Variants in ESR2 observed in about 807,000 individuals in gnomAD.
ESR2 encodes estrogen receptor 2, also known as estrogen receptor beta.
Under a neutral mutation model 49.6 loss-of-function variants are expected in ESR2, and 36 were observed. That is an observed-to-expected ratio of 0.73 (90% CI 0.56 to 0.96). The LOEUF (loss-of-function observed/expected upper bound fraction) is 0.96. Ranked by LOEUF, ESR2 falls within the 40% of genes least tolerant of loss-of-function variation. The probability of loss-of-function intolerance (pLI) is 0.00; values close to 1 mark genes in which losing one functional copy is unlikely to be tolerated. For missense variants in ESR2, 714 were observed against 693.0 expected, an observed-to-expected ratio of 1.03 and a Z score of -0.34; for synonymous variants, 320 against 266.1, an observed-to-expected ratio of 1.20 and a Z score of -1.97.
chr14:64,302,151 A>T (rs1383448774), intron 1 of ESR2, among the ~76,000 whole-genome samples: 8 of 135,108 alleles, frequency 5.9e-5, no homozygotes, highest in Non-Finnish European at 9.7e-5. Context: ...TCACTTTTTT[A>T]TTTTTTATTT....
At chr14:64,281,648 C>T (rs1423665977) in intron 2 of ESR2, among the ~76,000 whole-genome samples, 1 of 152,152 alleles carries the variant, frequency 6.6e-6, no homozygotes, top group Non-Finnish European at 1.5e-5. Context: ...TCCCCCTCTC[C>T]TTTCTCATTA....
At chr14:64,311,993 T>G (rs1240010429) in intron 1 of ESR2, among the ~76,000 whole-genome samples, 1 of 152,204 alleles carries the variant, frequency 6.6e-6, no homozygotes, top group Non-Finnish European at 1.5e-5. Flanking sequence ...ATATGTTTGA[T>G]GGTTAAAGCA....
intron 1 of ESR2, among the ~76,000 whole-genome samples, chr14:64,306,591 T>C (rs11625778): frequency 0.043 from 6,601 of 152,340 alleles, 516 homozygotes; most frequent in East Asian, 0.37. Context: ...TTATATTGAT[T>C]GGGCTTTGAA....
At chr14:64,267,972 T>C (rs1176453394) in intron 4 of ESR2, among the ~76,000 whole-genome samples, 1 of 152,014 alleles carries the variant, frequency 6.6e-6, no homozygotes, top group African/African-American at 2.4e-5. Context: ...AAATTACAAT[T>C]AACCACAGGT....
At chr14:64,284,234 A>AC (rs1449699463) in intron 1 of ESR2, among the ~76,000 whole-genome samples, 3 of 151,510 alleles carry the variant, frequency 2.0e-5, no homozygotes, top group African/African-American at 7.3e-5. Context: ...TGGCCTACGT[A>AC]TCAGTTTTGA....
chr14:64,261,404 C>G (rs1012513941), intron 4 of ESR2, among the ~76,000 whole-genome samples: 1 of 149,586 alleles, frequency 6.7e-6, no homozygotes, highest in Non-Finnish European at 1.5e-5. Context: ...TATTTTTCCA[C>G]GTTTTATACA....
At chr14:64,299,950 T>C (rs2077003703) in intron 1 of ESR2, among the ~76,000 whole-genome samples, 1 of 152,206 alleles carries the variant, frequency 6.6e-6, no homozygotes, top group African/African-American at 2.4e-5. Context: ...ATATTATTTT[T>C]CTACTGTCCA....
intron 4 of ESR2, among the ~76,000 whole-genome samples, chr14:64,265,806 C>T (rs537033420): frequency 6.6e-6 from 1 of 152,126 alleles, no homozygotes; most frequent in Non-Finnish European, 1.5e-5. Flanking sequence ...AGGGTGATAA[C>T]AGACTACATG....
chr14:64,315,604 A>G (rs1379368363), intron 1 of ESR2, among the ~76,000 whole-genome samples: 1 of 151,244 alleles, frequency 6.6e-6, no homozygotes, highest in Non-Finnish European at 1.5e-5. Context: ...CCTCCTGAGT[A>G]GCTGGGACTA....
At chr14:64,227,873 T>G (rs934287565), downstream of ESR2, 38 of 1,596,958 alleles carry the variant, frequency 2.4e-5, no homozygotes, top group Non-Finnish European at 3.1e-5. Flanking sequence ...AGGGACATTT[T>G]CACATGACTC....
rs1181302937 is a variant in ESR2, at chr14:64,232,042, T to G, written c.*1095A>C. 6.6e-6 allele frequency: 1 copy of G among 152,336 alleles called. No individual in the cohort carries two copies. The highest frequency in any genetic ancestry group is 1.9e-4 in the East Asian group (1 of 5,188). The allele number at this position is 152,336 out of a possible 1,614,324, so 9.4% of individuals were successfully genotyped here. ...AAATAATTATCCCTAAATATTTCTC[T>G]TTAAGGAGAGTTCACAAACTGGGTC... is the stretch of plus-strand genomic sequence containing the variant. On this transcript the variant is annotated 3_prime_UTR_variant, in exon 9 of 9. Transcript: ENST00000341099.
At chr14:64,268,731 G>A in intron 4 of ESR2, 64 bp downstream of exon 4, 1 of 918,064 alleles carries the variant, frequency 1.1e-6, no homozygotes, top group Admixed American at 2.0e-5. Flanking sequence ...CCTGTCCCCA[G>A]TTCCTCAGAG....
chr14:64,302,169 T>C (rs966082184), intron 1 of ESR2, among the ~76,000 whole-genome samples: 4 of 140,438 alleles, frequency 2.8e-5, no homozygotes, highest in Middle Eastern at 3.5e-3. Context: ...TTTTTATTTA[T>C]TTATTTATTT....
At chr14:64,312,537 T>C (rs1469201295) in intron 1 of ESR2, among the ~76,000 whole-genome samples, 3 of 152,100 alleles carry the variant, frequency 2.0e-5, no homozygotes, top group African/African-American at 7.2e-5. Context: ...AGGTTTATTT[T>C]AGAAAAAACA....
At chr14:64,247,348 C>CAAACA (rs1555572911) in intron 7 of ESR2, among the ~76,000 whole-genome samples, 1 of 144,894 alleles carries the variant, frequency 6.9e-6, no homozygotes, top group Non-Finnish European at 1.5e-5. Context: ...AACAAACAAA[C>CAAACA]AAAAAAACTA....
chr14:64,244,301 G>T (rs1049563227), intron 7 of ESR2, among the ~76,000 whole-genome samples: 1 of 152,020 alleles, frequency 6.6e-6, no homozygotes, highest in Non-Finnish European at 1.5e-5. Flanking sequence ...TCTGGAAGCT[G>T]AGGCAGGAGA....
At chr14:64,309,979 G>T (rs1341649776) in intron 1 of ESR2, among the ~76,000 whole-genome samples, 6 of 151,856 alleles carry the variant, frequency 4.0e-5, no homozygotes, top group Admixed American at 1.3e-4. Context: ...CCAGCTACTC[G>T]GGAGGCTGAG....
chr14:64,314,895 A>AAAAAAAG (rs2077234176), intron 1 of ESR2, among the ~76,000 whole-genome samples: 1 of 145,864 alleles, frequency 6.9e-6, no homozygotes, highest in Admixed American at 6.8e-5. Flanking sequence ...AAAAAAAAAA[A>AAAAAAAG]AAAAAAAGAA....
chr14:64,260,540 C>T lies in ESR2; in HGVS notation c.861G>A (p.Ala287=). 1.9e-6 allele frequency: 3 copies of T among 1,572,758 alleles called. No homozygotes were observed. The highest frequency in any genetic ancestry group is 2.6e-6 in the Non-Finnish European group (3 of 1,158,666). Residue 287 remains alanine, a synonymous_variant, in exon 5 of 9, where the codon GCG becomes GCA. Transcript: ENST00000341099. Reference sequence around the variant, plus strand: ...TCATCATGGAGGCCTCGGTGAAGGGCGCACTGGGGCGGCTGATCAGCACAT... The same window carrying T: ...TCATCATGGAGGCCTCGGTGAAGGGTGCACTGGGGCGGCTGATCAGCACAT... ...PPHVLISRPS[A]PFTEASMMMS... is the part of the protein sequence containing the mutation.
Sources: gnomAD v4.1 joint callset for allele counts (sites outside exome capture counted in the v4.1 genomes callset) on GRCh38, gnomAD v4.1.1 for gene constraint, MANE v1.5 for transcripts, NCBI Gene and HGNC (gene_info 2026-07-23, HGNC 2026-07-21) for gene names.